The following ELAPOR2 variants were observed in gnomAD, a reference collection of about 807,000 sequenced individuals.
ELAPOR2 encodes the protein endosome/lysosome-associated apoptosis and autophagy regulator family member 2.
ELAPOR2 carries 89 observed loss-of-function variants against 120.7 expected under a neutral mutation model. The ratio of observed to expected loss-of-function variants is 0.74; its 90% CI spans 0.62 to 0.88. The LOEUF (loss-of-function observed/expected upper bound fraction) is 0.88, where lower values mean the gene tolerates loss of function less well. ELAPOR2 is among the 40% of genes least tolerant of loss of function. The pLI, the probability that ELAPOR2 is intolerant of heterozygous loss-of-function variation, is 0.00. For synonymous variants in ELAPOR2, 444 were observed against 444.9 expected, an observed-to-expected ratio of 1.00 and a Z score of 0.03; for missense variants, 1,134 against 1,251.6, an observed-to-expected ratio of 0.91 and a Z score of 1.42.
chr7:86,880,755 T>C (rs1416347977), intron 21 of ELAPOR2, among the ~76,000 whole-genome samples: 1 of 151,160 alleles, frequency 6.6e-6, no homozygotes, highest in Non-Finnish European at 1.5e-5. Context: ...AAATTCAAAA[T>C]AGAAGCAAAC....
chr7:87,057,190 G>A (rs1029727045), intron 1 of ELAPOR2, among the ~76,000 whole-genome samples: 6 of 152,214 alleles, frequency 3.9e-5, no homozygotes, highest in African/African-American at 1.4e-4. Context: ...AAAGGGCTGA[G>A]CTCAAGAGGA....
At position 86,912,245 on chromosome 7, in the gene ELAPOR2, C is replaced by A; in HGVS notation, c.1996G>T (p.Asp666Tyr). ...CAGTCACTATAGCAAACCGAATGGT[C>A]CTTTGATTAAAGATAAAGAAACAAT... ...PCGPGSKNNQ[D>Y]HSVCYSDCFF... The change falls in exon 15 of 22, where the codon GAC becomes TAC. Residue 666 changes from aspartate to tyrosine, a missense_variant and splice_region_variant. Around this residue, in one of 3 missense-constraint regions of ELAPOR2, gnomAD observed 831 missense variants for 867.6 expected, o/e 0.96. Transcript: ENST00000450689. 3 of 1,571,516 alleles carry A rather than the reference C, an allele frequency of 1.9e-6. No individual in the cohort carries two copies. Among genetic ancestry groups the A allele is most frequent in the South Asian group, 1.1e-5 (1 of 87,238 alleles).
chr7:87,010,772 A>G (rs1176979554), intron 1 of ELAPOR2, among the ~76,000 whole-genome samples: 1 of 152,194 alleles, frequency 6.6e-6, no homozygotes, highest in Non-Finnish European at 1.5e-5. Flanking sequence ...CATGTTCAGG[A>G]CAGATGCCAT....
chr7:86,932,166 T>G (rs1164482808), intron 8 of ELAPOR2, among the ~76,000 whole-genome samples: 2 of 151,946 alleles, frequency 1.3e-5, no homozygotes, highest in East Asian at 3.9e-4. Context: ...AGGATACTAG[T>G]GGCTTGGGTG....
intron 21 of ELAPOR2, among the ~76,000 whole-genome samples, chr7:86,888,194 G>A (rs900827830): frequency 6.6e-5 from 10 of 152,064 alleles, no homozygotes; most frequent in African/African-American, 1.4e-4. Context: ...TGGACAAAGC[G>A]GGGGTACACA....
chr7:86,888,495 C>T (rs184855874), intron 21 of ELAPOR2, among the ~76,000 whole-genome samples: 2 of 152,168 alleles, frequency 1.3e-5, no homozygotes, highest in East Asian at 3.9e-4. Context: ...ATGGCAAAGG[C>T]CTTTAATTTA....
intron 1 of ELAPOR2, among the ~76,000 whole-genome samples, chr7:87,043,964 C>T (rs1249432892): frequency 2.0e-5 from 3 of 150,902 alleles, no homozygotes; most frequent in Admixed American, 1.3e-4. Flanking sequence ...TATACACCAA[C>T]AACAGACAGA....
chr7:87,036,889 T>C (rs916469474), intron 1 of ELAPOR2, among the ~76,000 whole-genome samples: 2 of 152,176 alleles, frequency 1.3e-5, no homozygotes, highest in African/African-American at 4.8e-5. Flanking sequence ...TCATACAATA[T>C]GCCCAGATAA....
intron 18 of ELAPOR2, among the ~76,000 whole-genome samples, chr7:86,899,406 A>G (rs1788611424): frequency 6.6e-6 from 1 of 152,168 alleles, no homozygotes; most frequent in Non-Finnish European, 1.5e-5. Flanking sequence ...AACCTCCTTT[A>G]GACCTCAGCT....
intron 8 of ELAPOR2, among the ~76,000 whole-genome samples, chr7:86,935,593 C>T (rs940453736): frequency 5.3e-5 from 8 of 151,986 alleles, no homozygotes; most frequent in South Asian, 2.1e-4. Context: ...CAGAATTACC[C>T]GGGACCTTCC....
At chr7:86,926,095 A>T (rs1439874625) in intron 9 of ELAPOR2, among the ~76,000 whole-genome samples, 1 of 152,028 alleles carries the variant, frequency 6.6e-6, no homozygotes, top group Non-Finnish European at 1.5e-5. Flanking sequence ...GAATATTAAT[A>T]CCATTTATGA....
At chr7:86,984,689 C>T (rs1635014) in intron 1 of ELAPOR2, among the ~76,000 whole-genome samples, 57,566 of 151,924 alleles carry the variant, frequency 0.38, 11,757 homozygotes, top group African/African-American at 0.53. Flanking sequence ...TAAAGCAGTG[C>T]GTAGAGGGAA....
At chr7:87,042,167 C>A (rs1390040749) in intron 1 of ELAPOR2, among the ~76,000 whole-genome samples, 2 of 150,326 alleles carry the variant, frequency 1.3e-5, no homozygotes, top group African/African-American at 5.0e-5. Context: ...TAATGGGAGA[C>A]TTTAACACCC....
intron 12 of ELAPOR2, among the ~76,000 whole-genome samples, chr7:86,917,977 C>T (rs1789641810): frequency 6.6e-6 from 1 of 152,066 alleles, no homozygotes; most frequent in Non-Finnish European, 1.5e-5. Flanking sequence ...AAGAAATGGG[C>T]AAAATTATGA....
At chr7:86,968,804 C>T (rs1792006194) in intron 1 of ELAPOR2, among the ~76,000 whole-genome samples, 1 of 152,186 alleles carries the variant, frequency 6.6e-6, no homozygotes, top group African/African-American at 2.4e-5. Context: ...CTCCAAACAA[C>T]AGAACATCAG....
chr7:86,911,961 C>T, intron 15 of ELAPOR2, 111 bp downstream of exon 15: 2 of 1,140,380 alleles, frequency 1.8e-6, no homozygotes. Flanking sequence ...ACCTCAGTTT[C>T]TGACACTTGG....
At chr7:87,004,141 C>T (rs1793401498) in intron 1 of ELAPOR2, among the ~76,000 whole-genome samples, 1 of 152,156 alleles carries the variant, frequency 6.6e-6, no homozygotes, top group Non-Finnish European at 1.5e-5. Flanking sequence ...CCAAGGCAGG[C>T]CTGCAGGAGC....
At chr7:86,976,992 C>T (rs979906814) in intron 1 of ELAPOR2, among the ~76,000 whole-genome samples, 2 of 152,154 alleles carry the variant, frequency 1.3e-5, no homozygotes, top group African/African-American at 4.8e-5. Flanking sequence ...CTGTGTGAGT[C>T]GGGTTGCTGT....
At chr7:86,881,699 T>C (rs945210240) in intron 21 of ELAPOR2, among the ~76,000 whole-genome samples, 10 of 152,202 alleles carry the variant, frequency 6.6e-5, no homozygotes, top group Non-Finnish European at 1.3e-4. Flanking sequence ...TTTTGCCATG[T>C]TGCCCAGGCT....
Sources: allele counts gnomAD v4.1 joint callset (sites outside exome capture counted in the v4.1 genomes callset), GRCh38; gene constraint gnomAD v4.1.1; regional missense constraint gnomAD v4.1.1; transcripts MANE v1.5; gene names NCBI Gene and HGNC (gene_info 2026-07-23, HGNC 2026-07-21).